The following CRYBA4 variants were observed in gnomAD, a reference collection of about 807,000 sequenced individuals.
CRYBA4 encodes the protein beta-crystallin A4.
CRYBA4 carries 30 observed loss-of-function variants against 31.7 expected under a neutral mutation model. The observed-to-expected ratio is 0.95, with a 90% confidence interval of 0.71 to 1.28. CRYBA4 has a LOEUF of 1.28. CRYBA4 is among the 50% of genes most tolerant of loss of function. The pLI is 0.00. For missense variants in CRYBA4, 225 were observed against 260.7 expected, an observed-to-expected ratio of 0.86 and a Z score of 0.94; for synonymous variants, 102 against 102.3, an observed-to-expected ratio of 1.00 and a Z score of 0.02.
chr22:26,595,715 A>T, the CRYBA4 span, among the ~76,000 whole-genome samples: 16 of 152,072 alleles, frequency 1.1e-4, no homozygotes, highest in African/African-American at 3.6e-4. Context: ...GGCTCAAGTG[A>T]TCCTCCCACC....
At chr22:26,607,315 C>A in the CRYBA4 span, among the ~76,000 whole-genome samples, 15 of 152,102 alleles carry the variant, frequency 9.9e-5, no homozygotes, top group African/African-American at 3.6e-4. Context: ...GGCCACCATG[C>A]CCGGCTACAA....
chr22:26,625,600 C>T lies in CRYBA4; in HGVS notation c.278C>T (p.Ser93Phe). 6.2e-7 allele frequency: 1 copy of T among 1,613,980 alleles called. No individual in the cohort carries two copies. The highest frequency in any genetic ancestry group is 8.5e-7 in the Non-Finnish European group (1 of 1,179,988). Residue 93 changes from serine (S) to phenylalanine (F), a missense_variant, in exon 4 of 6, where the codon TCC (serine) becomes TTC (phenylalanine). Ser to Phe is a radical substitution (Grantham distance 155, BLOSUM62 -2). Transcript: ENST00000354760. ...GCCTACCCCGCCGAGAGGCTCACCT[C>T]CTTCCGGCCTGCGGCCTGTGCTGTA... ...NTAYPAERLT[S>F]FRPAACANHR...
At chr22:26,598,089 G>T in the CRYBA4 span, among the ~76,000 whole-genome samples, 1 of 152,110 alleles carries the variant, frequency 6.6e-6, no homozygotes, top group South Asian at 2.1e-4. Flanking sequence ...CACCATGTTG[G>T]CCAGGCTGGT....
At chr22:26,612,115 G>T in the CRYBA4 span, 1 of 1,613,804 alleles carries the variant, frequency 6.2e-7, no homozygotes, top group Non-Finnish European at 8.5e-7. Context: ...TCGAAGCCAC[G>T]GTCTGCCAGA....
chr22:26,598,387 T>C, the CRYBA4 span, among the ~76,000 whole-genome samples: 5 of 151,960 alleles, frequency 3.3e-5, no homozygotes, highest in Non-Finnish European at 7.4e-5. Flanking sequence ...CTCTCTCTCT[T>C]TCTTTCTTTG....
the CRYBA4 span, among the ~76,000 whole-genome samples, chr22:26,607,532 G>T: frequency 0.03 from 4,459 of 148,060 alleles, 126 homozygotes; most frequent in East Asian, 0.16. Flanking sequence ...ACACCAGGCT[G>T]GGGGACACAG....
chr22:26,626,639 A>C (rs1002352294), intron 4 of CRYBA4, among the ~76,000 whole-genome samples: 5 of 152,188 alleles, frequency 3.3e-5, no homozygotes, highest in Non-Finnish European at 7.3e-5. Context: ...TATTTGTAAT[A>C]CTTACAGTTG....
At chr22:26,593,816 A>T in the CRYBA4 span, among the ~76,000 whole-genome samples, 1 of 152,176 alleles carries the variant, frequency 6.6e-6, no homozygotes, top group African/African-American at 2.4e-5. Flanking sequence ...GTGAGCCACC[A>T]TGCCCAACCA....
the CRYBA4 span, among the ~76,000 whole-genome samples, chr22:26,600,506 G>A: frequency 2.6e-5 from 4 of 152,170 alleles, no homozygotes; most frequent in Non-Finnish European, 1.5e-5. Context: ...TCCTAGCTCT[G>A]CCATTGATTT....
chr22:26,616,753 A>G, the CRYBA4 span, among the ~76,000 whole-genome samples: 1 of 152,280 alleles, frequency 6.6e-6, no homozygotes, highest in African/African-American at 2.4e-5. Flanking sequence ...ACATTAATTA[A>G]CCCATCTGAC....
chr22:26,592,841 T>C, the CRYBA4 span, among the ~76,000 whole-genome samples: 2 of 152,122 alleles, frequency 1.3e-5, no homozygotes, highest in Middle Eastern at 3.2e-3. Context: ...GATGTGGGCA[T>C]GGAGGGGGTG....
chr22:26,616,372 C>T, the CRYBA4 span: 2 of 1,439,200 alleles, frequency 1.4e-6, no homozygotes, highest in Non-Finnish European at 1.9e-6. Flanking sequence ...GGGATGACAC[C>T]CCCAAACTGC....
At chr22:26,618,858 G>A (rs528794992), upstream of CRYBA4, among the ~76,000 whole-genome samples, 443 of 152,280 alleles carry the variant, frequency 2.9e-3, 2 homozygotes, top group Non-Finnish European at 5.1e-3. Flanking sequence ...CCCACATTGG[G>A]CCCCATCCTT....
At chr22:26,598,682 C>A in the CRYBA4 span, among the ~76,000 whole-genome samples, 523 of 152,298 alleles carry the variant, frequency 3.4e-3, 4 homozygotes, top group African/African-American at 0.012. Flanking sequence ...CCACGCCCAG[C>A]CTGTGTGATT....
At chr22:26,620,430 G>A (rs950668658), upstream of CRYBA4, among the ~76,000 whole-genome samples, 62 of 152,128 alleles carry the variant, frequency 4.1e-4, no homozygotes, top group African/African-American at 1.3e-3. Flanking sequence ...CTCAGAGTGC[G>A]TAAGTAACAT....
chr22:26,622,518 A>G (rs541367609), intron 1 of CRYBA4, 67 bp from the exon 2 acceptor site: 1 of 1,399,958 alleles, frequency 7.1e-7, no homozygotes, highest in African/African-American at 1.4e-5. Flanking sequence ...GGTCCAAGCC[A>G]GCCATCTGCA....
chr22:26,623,207 C>A, intron 2 of CRYBA4, 27 bp from the exon 3 acceptor site: 1 of 1,584,384 alleles, frequency 6.3e-7, no homozygotes. Context: ...TGATGCGGAT[C>A]TCCACCTTTT....
At chr22:26,606,094 C>A in the CRYBA4 span, among the ~76,000 whole-genome samples, 28 of 152,156 alleles carry the variant, frequency 1.8e-4, no homozygotes, top group African/African-American at 6.8e-4. Context: ...ATTCTTCCAG[C>A]GTGGGCCAGG....
chr22:26,599,734 C>A, the CRYBA4 span: 1 of 1,358,570 alleles, frequency 7.4e-7, no homozygotes, highest in Non-Finnish European at 1.1e-6. Context: ...GGCACCCAGA[C>A]CCCTGCCAGA....
Sources: allele counts gnomAD v4.1 joint callset (sites outside exome capture counted in the v4.1 genomes callset), GRCh38; gene constraint gnomAD v4.1.1; transcripts MANE v1.5; gene names NCBI Gene and HGNC (gene_info 2026-07-23, HGNC 2026-07-21).